The following ADAR variants were observed in gnomAD, a reference collection of about 807,000 sequenced individuals.
The protein encoded by ADAR is adenosine deaminase RNA specific.
A neutral mutation model predicts 113.2 loss-of-function variants in ADAR; 41 were observed. The ratio of observed to expected loss-of-function variants is 0.36; its 90% confidence interval spans 0.28 to 0.47. The LOEUF (loss-of-function observed/expected upper bound fraction) is 0.47. ADAR is among the 20% of genes least tolerant of loss of function. ADAR has a pLI of 1.00. For missense variants in ADAR, 1,242 were observed against 1,540.9 expected (o/e 0.81, Z 3.25); for synonymous variants, 605 against 572.6 (o/e 1.06, Z -0.81).
intron 9 of ADAR, 46 bp downstream of exon 9, chr1:154,589,323 G>T: frequency 6.7e-7 from 1 of 1,489,548 alleles, no homozygotes; most frequent in Non-Finnish European, 9.4e-7. Context: ...GGGAACTGGA[G>T]CTCTCCACAG....
rs142654985 is a variant in ADAR, at chr1:154,600,724, G to A, written c.1601+317C>T. 9.4e-3 allele frequency: 3,610 copies of A among 382,882 alleles called. 34 individuals are homozygous for A. Among genetic ancestry groups the A allele is most frequent in the Non-Finnish European group, 0.013 (2,607 of 202,316 alleles). The allele number at this position is 382,882 out of a possible 1,614,324, so 23.7% of individuals were successfully genotyped here. A position where few individuals can be genotyped will look rare whatever the true frequency, so the allele number is the denominator to read the frequency against. On this transcript the variant is annotated intron_variant, in intron 2 of 14. Coordinates refer to ENST00000368474, the MANE Select transcript of ADAR (RefSeq NM_001111.5). ...CCTGACCTCGTGATATGCCTGCCTCGGCCTCAAAAAGTGCTGGGATTACAG... is the reference window on the plus strand; with the variant it reads ...CCTGACCTCGTGATATGCCTGCCTCAGCCTCAAAAAGTGCTGGGATTACAG...
chr1:154,594,918 C>T (rs1697397124), intron 6 of ADAR, among the ~76,000 whole-genome samples: 1 of 152,236 alleles, frequency 6.6e-6, no homozygotes, highest in African/African-American at 2.4e-5. Context: ...TAGTTATGCA[C>T]AGCAATTTCT....
intron 12 of ADAR, 59 bp downstream of exon 12, chr1:154,586,122 T>A: frequency 6.2e-7 from 1 of 1,601,826 alleles, no homozygotes; most frequent in Non-Finnish European, 8.5e-7. Flanking sequence ...AAGCATGCAG[T>A]TTGGGATCTG....
chr1:154,610,581 T>G (rs1026133836), upstream of ADAR, among the ~76,000 whole-genome samples: 1 of 151,738 alleles, frequency 6.6e-6, no homozygotes. Flanking sequence ...GAGGCCGAGG[T>G]GGGCGGATCA....
intron 6 of ADAR, 131 bp from the exon 7 acceptor site, chr1:154,590,540 G>T: frequency 1.2e-6 from 1 of 861,836 alleles, no homozygotes. Context: ...CTGTTTCTAA[G>T]GCAGCATTTC....
intron 6 of ADAR, among the ~76,000 whole-genome samples, chr1:154,591,440 G>GT (rs1418700517): frequency 3.9e-5 from 6 of 152,368 alleles, no homozygotes; most frequent in Admixed American, 2.6e-4. Context: ...GCTGGGAGTT[G>GT]TTTTTTTGAC....
intron 9 of ADAR, 122 bp downstream of exon 9, chr1:154,589,247 C>T: frequency 6.4e-6 from 5 of 786,368 alleles, no homozygotes; most frequent in Non-Finnish European, 1.1e-5. Context: ...CAAAGGCTGC[C>T]ACTGCCACAT....
At chr1:154,612,116 C>T (rs1316893184), upstream of ADAR, among the ~76,000 whole-genome samples, 2 of 152,134 alleles carry the variant, frequency 1.3e-5, no homozygotes, top group Non-Finnish European at 2.9e-5. Flanking sequence ...CTTTTTTAAT[C>T]TGTAATTTCC....
At chr1:154,608,825 T>TGGGGGGGGGGGGGGGG (rs1350116686), upstream of ADAR, 2 of 38,718 alleles carry the variant, frequency 5.2e-5, no homozygotes, top group Admixed American at 2.9e-4. Context: ...GTCTCCAATG[T>TGGGGGGGGGGGGGGGG]GGAGGGGGGG....
intron 1 of ADAR, among the ~76,000 whole-genome samples, chr1:154,622,705 A>G (rs1698824830): frequency 6.6e-6 from 1 of 152,202 alleles, no homozygotes; most frequent in South Asian, 2.1e-4. Flanking sequence ...CTGGGATGCC[A>G]TGGTACTCAA....
At position 154,586,260 on chromosome 1, in the gene ADAR, T is replaced by C. The variant is rs1304502195; in HGVS notation, c.3123A>G (p.Leu1041=). Residue 1041 remains leucine (L), a synonymous_variant, in exon 12 of 15, where the codon CTA becomes CTG. Coordinates refer to ENST00000368474, the MANE Select transcript of ADAR (RefSeq NM_001111.5). ...CTTGCAGGCCCAGCACGTTCCAGCG[T>C]AGGATTTTGTCACTACAGGACATGG... The part of the protein sequence containing the change: ...LRTMSCSDKI[L]RWNVLGLQGA... 1.9e-6 allele frequency: 3 copies of C among 1,614,024 alleles called. No homozygotes were observed. The African/African-American group carries it at 4.0e-5, about 22-fold the overall frequency.
chr1:154,588,379 G>A, intron 10 of ADAR, 121 bp from the exon 11 acceptor site: 1 of 1,521,962 alleles, frequency 6.6e-7, no homozygotes, highest in Non-Finnish European at 9.1e-7. Context: ...ATGGGAGACT[G>A]GAGGTGGACA....
In ADAR at chr1:154,585,885, A is replaced by T; in HGVS notation, c.3203-20T>A. 1 of 1,596,130 alleles carries T rather than the reference A, an allele frequency of 6.3e-7. No individual in the cohort carries two copies. Among genetic ancestry groups the T allele is most frequent in the Non-Finnish European group, 8.6e-7 (1 of 1,164,580 alleles). On this transcript the variant is annotated intron_variant, in intron 12 of 14. Coordinates refer to ENST00000368474, the MANE Select transcript of ADAR (RefSeq NM_001111.5). The stretch of plus-strand genomic sequence containing the variant: ...GGTAACCTGAGTACAAAAAAGAGAA[A>T]CATATATACCTGTGTTTGCACCAAA...
rs1036674538 is a variant in ADAR, at chr1:154,590,511, T to C, written c.2271-102A>G. 1.1e-5 allele frequency: 12 copies of C among 1,110,456 alleles called. No homozygotes were observed. In the South Asian group the frequency reaches 1.3e-4, roughly 12 times the overall value. 68.8% of individuals were successfully genotyped at this position (1,110,456 alleles called of 1,614,324 possible). A position where few individuals can be genotyped will look rare whatever the true frequency, so the allele number is the denominator to read the frequency against. ...AGATGTGGCCAGTCTTGCAAACATATGGACCCGTCAAACAGAAGCTGTTTC... is the reference window on the plus strand; with the variant it reads ...AGATGTGGCCAGTCTTGCAAACATACGGACCCGTCAAACAGAAGCTGTTTC... On this transcript the variant is annotated intron_variant, in intron 6 of 14. Transcript: ENST00000368474.
chr1:154,610,824 G>GAAAAAAAAAAAAA, upstream of ADAR, among the ~76,000 whole-genome samples: 2 of 65,202 alleles, frequency 3.1e-5, no homozygotes, highest in Non-Finnish European at 5.4e-5. Context: ...AAAAAAAAAA[G>GAAAAAAAAAAAAA]AAAAAAAAAA....
intron 1 of ADAR, among the ~76,000 whole-genome samples, chr1:154,625,097 A>G (rs1387090279): frequency 1.3e-5 from 2 of 152,340 alleles, no homozygotes; most frequent in South Asian, 2.1e-4. Flanking sequence ...TGTACCCATG[A>G]GCCTGTCCTT....
intron 1 of ADAR, among the ~76,000 whole-genome samples, chr1:154,625,967 G>A (rs1698922658): frequency 7.3e-6 from 1 of 136,816 alleles, no homozygotes; most frequent in Non-Finnish European, 1.5e-5. Context: ...TCGCATCATT[G>A]CACTCCAGCC....
chr1:154,588,167 C>A lies in ADAR; in HGVS notation c.2977G>T (p.Glu993Ter). ...CGGAGCTTTCCTTGTTTGGGATTCT[C>A]GAAGACAGGGTAGTGGCGGGATTCT... is the stretch of plus-strand genomic sequence containing the variant. The part of the protein sequence containing the change: ...STESRHYPVF[E>*]NPKQGKLRTK... Residue 993 changes from glutamate to a stop codon, truncating the protein, a stop_gained, in exon 11 of 15, where the codon GAG (glutamate) becomes TAG (stop). Coordinates refer to ENST00000368474, the MANE Select transcript of ADAR (RefSeq NM_001111.5). LOFTEE classifies it high-confidence loss of function. 6.2e-7 allele frequency: 1 copy of A among 1,614,092 alleles called. No homozygotes were observed. The highest frequency in any genetic ancestry group is 1.1e-5 in the South Asian group (1 of 91,074).
rs1696548170 is a variant in ADAR, at chr1:154,583,562, T to C, written c.*1244A>G. On this transcript the variant is annotated 3_prime_UTR_variant, in exon 15 of 15. Transcript: ENST00000368474. The stretch of plus-strand genomic sequence containing the variant: ...CAACTACTGCTTTCTATGTCAACCC[T>C]ATAAAGATCAGGTCTGCGCCCTGCC... 6.6e-6 allele frequency: 1 copy of C among 152,178 alleles called. No individual in the cohort carries two copies. The highest frequency in any genetic ancestry group is 2.1e-4 in the South Asian group (1 of 4,826). The allele number at this position is 152,178 out of a possible 1,614,324, so 9.4% of individuals were successfully genotyped here.
Sources: allele counts gnomAD v4.1 joint callset (sites outside exome capture counted in the v4.1 genomes callset), GRCh38; gene constraint gnomAD v4.1.1; transcripts MANE v1.5; gene names NCBI Gene and HGNC (gene_info 2026-07-23, HGNC 2026-07-21).